Variants in COP1 observed in about 807,000 individuals in gnomAD.
The protein encoded by COP1 is COP1 E3 ubiquitin ligase, also known as E3 ubiquitin-protein ligase COP1.
In COP1, 24 loss-of-function variants were observed where a neutral mutation model predicts 101.3. That is an observed-to-expected ratio of 0.24 (90% CI 0.17 to 0.33). The LOEUF (loss-of-function observed/expected upper bound fraction) is 0.33, where lower values mean the gene tolerates loss of function less well. Among genes scored for constraint, COP1 ranks in the 10% least tolerant of loss-of-function variants. COP1 has a pLI of 1.00. For synonymous variants in COP1, 347 were observed against 341.9 expected (o/e 1.01, Z -0.17); for missense variants, 663 against 906.2 (o/e 0.73, Z 3.45).
At chr1:175,947,366 T>C (rs375154329) in intron 18 of COP1, 127 bp from the exon 19 acceptor site, 7 of 667,522 alleles carry the variant, frequency 1.0e-5, no homozygotes, top group African/African-American at 5.6e-5. Flanking sequence ...AATATGAAGA[T>C]ACAATTTTTT....
intron 8 of COP1, 65 bp from the exon 9 acceptor site, chr1:176,116,746 A>T: frequency 8.5e-7 from 1 of 1,173,378 alleles, no homozygotes; most frequent in Non-Finnish European, 1.3e-6. Context: ...AGAAAAAGTA[A>T]ATCTAAAGTA....
intron 18 of COP1, among the ~76,000 whole-genome samples, chr1:175,980,008 G>A (rs892071407): frequency 5.9e-5 from 9 of 151,708 alleles, no homozygotes; most frequent in Middle Eastern, 3.4e-3. Flanking sequence ...AACATGTATC[G>A]CTTTTGCTGT....
chr1:176,046,780 T>C lies in COP1; in HGVS notation c.1278-456A>G, dbSNP rs557301944. On this transcript the variant is annotated intron_variant, in intron 11 of 19. Coordinates refer to ENST00000367669, the MANE Select transcript of COP1 (RefSeq NM_022457.7). ...TATTTTTAATAAATAAATTAGTATA[T>C]AATTTGAATTACTGAAGCAATTGGG... is the stretch of plus-strand genomic sequence containing the variant. Among the ~76,000 whole-genome samples the C allele has an allele frequency of 3.9e-5, 6 of 152,146 alleles. No individual in the cohort carries two copies. In the East Asian group the frequency reaches 5.8e-4, roughly 15 times the overall value.
chr1:176,087,623 G>A (rs1391161208), intron 9 of COP1, among the ~76,000 whole-genome samples: 1 of 152,214 alleles, frequency 6.6e-6, no homozygotes, highest in African/African-American at 2.4e-5. Context: ...TGGAGAGGAT[G>A]TGAAGAAACA....
At chr1:176,143,146 A>AAG (rs759550104) in intron 6 of COP1, among the ~76,000 whole-genome samples, 39 of 66,586 alleles carry the variant, frequency 5.9e-4, no homozygotes, top group Admixed American at 1.2e-3. Flanking sequence ...GAGCGAGAGA[A>AAG]AGAGAGAGAG....
intron 11 of COP1, among the ~76,000 whole-genome samples, chr1:176,055,854 G>A (rs1309099406): frequency 6.6e-6 from 1 of 151,482 alleles, no homozygotes; most frequent in Non-Finnish European, 1.5e-5. Context: ...TTTTATTTAG[G>A]TTTACTTTGT....
intron 4 of COP1, among the ~76,000 whole-genome samples, chr1:176,163,446 C>A (rs1378946413): frequency 6.6e-6 from 1 of 152,170 alleles, no homozygotes; most frequent in Non-Finnish European, 1.5e-5. Context: ...GTCTCAAATT[C>A]TTGGGCTTGA....
At chr1:176,044,022 C>T (rs1304427456) in intron 12 of COP1, among the ~76,000 whole-genome samples, 1 of 152,126 alleles carries the variant, frequency 6.6e-6, no homozygotes, top group East Asian at 1.9e-4. Context: ...AGTAATGACC[C>T]TAACCACCTT....
At chr1:176,033,578 A>C (rs916899920) in intron 14 of COP1, among the ~76,000 whole-genome samples, 4 of 152,206 alleles carry the variant, frequency 2.6e-5, no homozygotes, top group Non-Finnish European at 5.9e-5. Flanking sequence ...TATTTATTGG[A>C]AACAATTCTC....
intron 15 of COP1, among the ~76,000 whole-genome samples, chr1:176,009,227 A>G (rs867960654): frequency 1.4e-4 from 22 of 152,286 alleles, no homozygotes; most frequent in African/African-American, 5.3e-4. Flanking sequence ...GTGATACTGC[A>G]TCTGATTATT....
At chr1:175,979,393 C>A (rs1433412566) in intron 18 of COP1, among the ~76,000 whole-genome samples, 2 of 151,596 alleles carry the variant, frequency 1.3e-5, no homozygotes, top group African/African-American at 4.8e-5. Flanking sequence ...CTTTACTTTT[C>A]TAGTTTACTG....
intron 11 of COP1, among the ~76,000 whole-genome samples, chr1:176,057,280 G>C (rs541762426): frequency 6.6e-5 from 10 of 152,130 alleles, no homozygotes; most frequent in African/African-American, 1.4e-4. Flanking sequence ...AAGAACTTAA[G>C]AGTGTATTCC....
intron 18 of COP1, among the ~76,000 whole-genome samples, chr1:175,970,676 A>C (rs1653067443): frequency 6.6e-6 from 1 of 152,164 alleles, no homozygotes; most frequent in African/African-American, 2.4e-5. Context: ...AATTTTCTTA[A>C]GGATCATATT....
intron 10 of COP1, 84 bp downstream of exon 10, chr1:176,085,692 G>T: frequency 2.8e-6 from 2 of 707,194 alleles, no homozygotes; most frequent in South Asian, 2.7e-5. Context: ...TTGCAATTAG[G>T]ACTTTCCATA....
At position 176,088,128 on chromosome 1, in the gene COP1, T is replaced by G. The variant is rs186399328; in HGVS notation, c.1027-2238A>C. On this transcript the variant is annotated intron_variant, in intron 9 of 19. Coordinates refer to ENST00000367669, the MANE Select transcript of COP1 (RefSeq NM_022457.7). ...ATGGGGTGGGGGGATGGGTGAGGGA[T>G]AGCACTAGGAGAAACACCTAATGTA... Among the ~76,000 whole-genome samples, 6 of 152,034 alleles carry G rather than the reference T, an allele frequency of 3.9e-5. No individual in the cohort carries two copies. The East Asian group carries it at 1.2e-3, about 29-fold the overall frequency.
Position 175,987,068 on chromosome 1 carries a change from C to T in COP1, c.2008G>A (p.Gly670Arg). 6.4e-7 allele frequency: 1 copy of T among 1,564,824 alleles called. No individual in the cohort carries two copies. The highest frequency in any genetic ancestry group is 1.1e-5 in the South Asian group (1 of 88,412). ...ENNSLYLYYK[G>R]LSKTLLTFKF... The stretch of plus-strand genomic sequence containing the variant: ...AAAGTTAGCAAAGTCTTAGAAAGTC[C>T]TTTATAGTACAGGTAGAGAGAGTTA... Residue 670 changes from glycine to arginine, a missense_variant, in exon 18 of 20, where the codon GGA (glycine) becomes AGA (arginine). Gly to Arg is a moderately radical substitution (Grantham distance 125). Coordinates refer to ENST00000367669, the MANE Select transcript of COP1 (RefSeq NM_022457.7).
chr1:176,054,161 CTT>C (rs71129544), intron 11 of COP1, among the ~76,000 whole-genome samples: 16,265 of 124,180 alleles, frequency 0.13, 838 homozygotes, highest in Middle Eastern at 0.2. Context: ...GCAAATTATT[CTT>C]TTTTTTTTTT....
intron 11 of COP1, among the ~76,000 whole-genome samples, chr1:176,070,388 C>T (rs1397551986): frequency 6.6e-6 from 1 of 150,532 alleles, no homozygotes; most frequent in Non-Finnish European, 1.5e-5. Context: ...GCCAGCCAGG[C>T]ACGGTGGCTA....
chr1:175,954,216 C>G (rs551435222), intron 18 of COP1, among the ~76,000 whole-genome samples: 2 of 152,024 alleles, frequency 1.3e-5, no homozygotes, highest in South Asian at 2.1e-4. Flanking sequence ...AATGAGAAAC[C>G]ATTTTGAACT....
Sources: allele counts gnomAD v4.1 joint callset (sites outside exome capture counted in the v4.1 genomes callset), GRCh38; gene constraint gnomAD v4.1.1; transcripts MANE v1.5; gene names NCBI Gene and HGNC (gene_info 2026-07-23, HGNC 2026-07-21).